PTTG1IP: variants seen among roughly 807,000 people sequenced by gnomAD.
PTTG1IP encodes the protein pituitary tumor-transforming gene 1 protein-interacting protein.
Under a neutral mutation model 24.4 loss-of-function variants are expected in PTTG1IP, and 16 were observed. The ratio of observed to expected loss-of-function variants is 0.66; its 90% confidence interval spans 0.44 to 1.00. PTTG1IP has a LOEUF of 1.00. Ranked by LOEUF, PTTG1IP falls within the 50% of genes least tolerant of loss-of-function variation. The pLI, the probability that PTTG1IP is intolerant of heterozygous loss-of-function variation, is 0.00. For synonymous variants in PTTG1IP, 89 were observed against 96.8 expected (o/e 0.92, Z 0.47); for missense variants, 241 against 245.8 (o/e 0.98, Z 0.13).
chr21:44,861,688 G>T, intron 2 of PTTG1IP: 1 of 715,204 alleles, frequency 1.4e-6, no homozygotes, highest in South Asian at 1.5e-5. Flanking sequence ...TCGATCAACA[G>T]ACTGGACACA....
At chr21:44,861,792 G>T in intron 2 of PTTG1IP, 1 of 717,514 alleles carries the variant, frequency 1.4e-6, no homozygotes, top group South Asian at 1.5e-5. Context: ...GCACTTCACT[G>T]GCTGAAGTCT....
At chr21:44,860,617 C>T (rs1364855233) in intron 3 of PTTG1IP, among the ~76,000 whole-genome samples, 2 of 152,104 alleles carry the variant, frequency 1.3e-5, no homozygotes, top group African/African-American at 4.8e-5. Context: ...ACCCTTTTCC[C>T]CACACCTTCT....
At chr21:44,864,109 G>A (rs1206420800) in intron 2 of PTTG1IP, among the ~76,000 whole-genome samples, 1 of 152,250 alleles carries the variant, frequency 6.6e-6, no homozygotes, top group Non-Finnish European at 1.5e-5. Flanking sequence ...TGGCCCTGCA[G>A]TTCTCAAAAC....
chr21:44,857,199 G>C (rs2083456167), intron 3 of PTTG1IP, among the ~76,000 whole-genome samples: 1 of 152,178 alleles, frequency 6.6e-6, no homozygotes, highest in Admixed American at 6.5e-5. Context: ...CTCCTTGGCT[G>C]GACACAGTGG....
intron 1 of PTTG1IP, among the ~76,000 whole-genome samples, chr21:44,871,635 T>G (rs1223913345): frequency 6.6e-6 from 1 of 152,188 alleles, no homozygotes; most frequent in East Asian, 1.9e-4. Flanking sequence ...ACATCAGTAC[T>G]GCGGTCACAT....
chr21:44,854,484 C>A (rs1346217631), intron 5 of PTTG1IP, among the ~76,000 whole-genome samples: 1 of 113,214 alleles, frequency 8.8e-6, no homozygotes, highest in Non-Finnish European at 2.0e-5. Flanking sequence ...GCCCATGACA[C>A]CACACAACCA....
At chr21:44,855,779 AGCACTCAGGAGAGT>A (rs1211664237) in intron 4 of PTTG1IP, among the ~76,000 whole-genome samples, 2 of 152,154 alleles carry the variant, frequency 1.3e-5, no homozygotes, top group African/African-American at 4.8e-5. Flanking sequence ...AGCCCCAGCA[AGCACTCAGGAGAGT>A]GCTGTGTCAC....
Position 44,856,421 on chromosome 21 carries a change from C to T in PTTG1IP, c.278-57G>A, listed in dbSNP as rs1303188872. The T allele has an allele frequency of 2.6e-6, 4 of 1,542,456 alleles. No homozygotes were observed. The South Asian group carries it at 3.7e-5, about 14-fold the overall frequency. ...CCCCAGACACAGAACCCACCCAGCA[C>T]AGCAGCCTTCCCTCGCCCCTGGGGA... On this transcript the variant is annotated intron_variant, in intron 3 of 5. Transcript: ENST00000330938.
At chr21:44,868,874 A>AAG (rs1172280435) in intron 1 of PTTG1IP, among the ~76,000 whole-genome samples, 3 of 152,238 alleles carry the variant, frequency 2.0e-5, no homozygotes, top group Non-Finnish European at 4.4e-5. Context: ...GTGGACTGAC[A>AAG]AGATAGTCTC....
intron 3 of PTTG1IP, among the ~76,000 whole-genome samples, chr21:44,859,389 G>T (rs546546441): frequency 6.6e-6 from 1 of 151,522 alleles, no homozygotes; most frequent in Non-Finnish European, 1.5e-5. Flanking sequence ...ATATATGTAC[G>T]CACACACGTG....
rs1445537681 is a variant in PTTG1IP at position 44,853,278 on chromosome 21, CG to C, written c.497-1652del. On this transcript the variant is annotated intron_variant, in intron 5 of 5. Coordinates refer to ENST00000330938, the MANE Select transcript of PTTG1IP (RefSeq NM_004339.4). ...ATCCCAGCACTCTGGGAGGCCGAGG[CG>C]GGCGGATCACGAGGTCAGGAGATTG... Among the ~76,000 whole-genome samples the C allele has an allele frequency of 2.0e-5, 3 of 152,228 alleles. No individual in the cohort carries two copies. The East Asian group carries it at 5.8e-4, about 29-fold the overall frequency.
chr21:44,870,263 G>A (rs1035263219), intron 1 of PTTG1IP, among the ~76,000 whole-genome samples: 22 of 152,288 alleles, frequency 1.4e-4, no homozygotes, highest in African/African-American at 4.8e-4. Context: ...AAGAAAGGCC[G>A]GGTGCAGTGG....
At chr21:44,862,896 C>T (rs1414541402) in intron 2 of PTTG1IP, among the ~76,000 whole-genome samples, 1 of 152,206 alleles carries the variant, frequency 6.6e-6, no homozygotes, top group African/African-American at 2.4e-5. Context: ...CCTCCCTTTT[C>T]AAGTGGCTCA....
intron 1 of PTTG1IP, among the ~76,000 whole-genome samples, chr21:44,870,897 G>A (rs2083579651): frequency 1.3e-5 from 2 of 152,214 alleles, no homozygotes; most frequent in Admixed American, 6.5e-5. Context: ...TGAAGTTTCA[G>A]GTGAGTCAAT....
chr21:44,867,436 T>C (rs1301369384), intron 1 of PTTG1IP, among the ~76,000 whole-genome samples: 2 of 149,448 alleles, frequency 1.3e-5, no homozygotes, highest in Admixed American at 6.6e-5. Flanking sequence ...GGGACGGCCA[T>C]GCGTGGGGGA....
chr21:44,869,010 C>T (rs144899060), intron 1 of PTTG1IP, among the ~76,000 whole-genome samples: 1 of 152,224 alleles, frequency 6.6e-6, no homozygotes, highest in Non-Finnish European at 1.5e-5. Context: ...GTGCCTCCCA[C>T]GGAGGATACT....
chr21:44,851,709 A>G lies in PTTG1IP; in HGVS notation c.497-82T>C, dbSNP rs1472069944. ...TAGAAAGCCATACAAACCAAGCTTT[A>G]TAAGAAGATTTACTGAGGCTATAGC... is the stretch of plus-strand genomic sequence containing the variant. On this transcript the variant is annotated intron_variant, in intron 5 of 5. Coordinates refer to ENST00000330938, the MANE Select transcript of PTTG1IP (RefSeq NM_004339.4). 7.5e-6 allele frequency: 11 copies of G among 1,475,208 alleles called. No individual in the cohort carries two copies. In the East Asian group the frequency reaches 9.2e-5, roughly 12 times the overall value. 91.4% of individuals were successfully genotyped at this position (1,475,208 alleles called of 1,614,324 possible). A position where few individuals can be genotyped will look rare whatever the true frequency, so the allele number is the denominator to read the frequency against.
chr21:44,865,663 C>A, intron 1 of PTTG1IP: 1 of 618,554 alleles, frequency 1.6e-6, no homozygotes, highest in Non-Finnish European at 2.9e-6. Context: ...GCAGGCAGGG[C>A]ACAAAGAGTA....
At chr21:44,866,596 A>G (rs1195907873) in intron 1 of PTTG1IP, among the ~76,000 whole-genome samples, 2 of 117,228 alleles carry the variant, frequency 1.7e-5, no homozygotes, top group African/African-American at 3.1e-5. Context: ...CCCATAACAC[A>G]CATACACACA....
Sources: gnomAD v4.1 joint callset for allele counts (sites outside exome capture counted in the v4.1 genomes callset) on GRCh38, gnomAD v4.1.1 for gene constraint, MANE v1.5 for transcripts, NCBI Gene and HGNC (gene_info 2026-07-23, HGNC 2026-07-21) for gene names.